MED12L: variants seen among roughly 807,000 people sequenced by gnomAD.
MED12L encodes mediator of RNA polymerase II transcription subunit 12-like protein.
Under a neutral mutation model 281.3 loss-of-function variants are expected in MED12L, and 60 were observed. The observed-to-expected ratio is 0.21, with a 90% CI of 0.17 to 0.26. The LOEUF (loss-of-function observed/expected upper bound fraction) is 0.26, where lower values mean the gene tolerates loss of function less well. MED12L is among the 10% of genes least tolerant of loss of function. The pLI is 1.00. For missense variants in MED12L, 2,146 were observed against 2,680.9 expected (o/e 0.80, Z 4.41); for synonymous variants, 974 against 987.2 (o/e 0.99, Z 0.25).
At chr3:151,219,058 A>G (rs1391528659) in intron 16 of MED12L, among the ~76,000 whole-genome samples, 3 of 152,138 alleles carry the variant, frequency 2.0e-5, no homozygotes, top group African/African-American at 4.8e-5. Context: ...ATTAAAGAAC[A>G]TGGCAGAATG....
chr3:151,302,036 T>A (rs1227247221), intron 16 of MED12L, among the ~76,000 whole-genome samples: 1 of 152,184 alleles, frequency 6.6e-6, no homozygotes, highest in Non-Finnish European at 1.5e-5. Context: ...TCAACTGTGG[T>A]ATAGGCAAAG....
intron 19 of MED12L, among the ~76,000 whole-genome samples, 173 bp downstream of exon 19, chr3:151,356,212 C>A (rs965306778): frequency 2.0e-5 from 3 of 151,986 alleles, no homozygotes; most frequent in Non-Finnish European, 2.9e-5. Flanking sequence ...CCAGCCTGGG[C>A]AACTTAGTGA....
chr3:151,222,054 C>T (rs545804343), intron 16 of MED12L, among the ~76,000 whole-genome samples: 2 of 152,318 alleles, frequency 1.3e-5, no homozygotes, highest in East Asian at 1.9e-4. Flanking sequence ...CAAAGGAGAT[C>T]GTTTGGGAAG....
intron 21 of MED12L, among the ~76,000 whole-genome samples, chr3:151,361,445 GAATT>G (rs1311537204): frequency 3.3e-5 from 5 of 151,848 alleles, no homozygotes; most frequent in Admixed American, 6.6e-5. Context: ...AAATAGAACT[GAATT>G]AATCATAAAA....
chr3:151,394,946 A>G, intron 39 of MED12L, 79 bp downstream of exon 39: 1 of 1,579,296 alleles, frequency 6.3e-7, no homozygotes, highest in Non-Finnish European at 8.6e-7. Context: ...GATATGTAGC[A>G]TATTCTTTCT....
intron 16 of MED12L, among the ~76,000 whole-genome samples, chr3:151,306,815 G>T (rs1290138728): frequency 6.6e-6 from 1 of 152,216 alleles, no homozygotes. Flanking sequence ...TTAAATGCTG[G>T]CTCCCTAAAT....
chr3:151,263,044 C>T (rs1317465), intron 16 of MED12L, among the ~76,000 whole-genome samples: 79,967 of 151,802 alleles, frequency 0.53, 21,584 homozygotes, highest in Middle Eastern at 0.67. Flanking sequence ...GAATGACTGT[C>T]GCGTGGGGTG....
intron 16 of MED12L, chr3:151,328,331 G>C (rs746195218): frequency 1.2e-6 from 2 of 1,613,212 alleles, no homozygotes; most frequent in Non-Finnish European, 1.7e-6. Context: ...CTTACTTTTG[G>C]ACTTTCTATA....
chr3:151,213,736 A>G, intron 16 of MED12L: 1 of 1,614,160 alleles, frequency 6.2e-7, no homozygotes, highest in Non-Finnish European at 8.5e-7. Context: ...AATCCAGAAG[A>G]TGGCCACGAA....
chr3:151,425,321 G>A (rs1057478368), intron 43 of MED12L: 4 of 172,688 alleles, frequency 2.3e-5, no homozygotes, highest in African/African-American at 9.5e-5. Context: ...CTGTGATTGA[G>A]CAGAAGAAGT....
chr3:151,165,455 A>G lies in MED12L; in HGVS notation c.1293A>G (p.Ile431Met), dbSNP rs1441181210. 6.2e-7 allele frequency: 1 copy of G among 1,614,102 alleles called. No homozygotes were observed. The highest frequency in any genetic ancestry group is 8.5e-7 in the Non-Finnish European group (1 of 1,179,930). Residue 431 changes from isoleucine (I) to methionine (M), a missense_variant, in exon 10 of 45, where the codon ATA becomes ATG. Coordinates refer to ENST00000687756, the MANE Select transcript of MED12L (RefSeq NM_001393769.1). ...RARIYEVEQQ[I>M]KQRGRAVEVR... ...GGATTTATGAAGTAGAACAACAGAT[A>G]AAACAAAGAGGCCGTGCAGTGGAAG...
chr3:151,245,824 C>A (rs1274023798), intron 16 of MED12L, among the ~76,000 whole-genome samples: 90 of 150,132 alleles, frequency 6.0e-4, no homozygotes, highest in Middle Eastern at 3.4e-3. Context: ...AAGAGGAAGT[C>A]AAATTGTCCC....
chr3:151,144,954 T>C (rs181864503), intron 5 of MED12L, among the ~76,000 whole-genome samples: 1 of 152,324 alleles, frequency 6.6e-6, no homozygotes, highest in Admixed American at 6.5e-5. Flanking sequence ...ACTTCCTCCT[T>C]TTTTGTAGCC....
At chr3:151,273,227 C>CTTTTTTTTTTTTTTTTT (rs63035061) in intron 16 of MED12L, among the ~76,000 whole-genome samples, 1 of 106,170 alleles carries the variant, frequency 9.4e-6, no homozygotes, top group Non-Finnish European at 1.9e-5. Context: ...TTGTTGTGTT[C>CTTTTTTTTTTTTTTTTT]TTTTTTTTTT....
chr3:151,326,672 G>A (rs1749635987), intron 16 of MED12L: 1 of 152,204 alleles, frequency 6.6e-6, no homozygotes, highest in Admixed American at 6.5e-5. Flanking sequence ...AGATGGATAA[G>A]TAGCTAGGAG....
intron 5 of MED12L, among the ~76,000 whole-genome samples, chr3:151,133,119 TTGA>T (rs1057489406): frequency 1.3e-5 from 2 of 152,252 alleles, no homozygotes; most frequent in Admixed American, 1.3e-4. Context: ...TTCCGTTGTC[TTGA>T]TGATTGTTAT....
chr3:151,178,107 G>T (rs991388577), intron 11 of MED12L, among the ~76,000 whole-genome samples: 2 of 138,452 alleles, frequency 1.4e-5, no homozygotes, highest in Admixed American at 7.8e-5. Flanking sequence ...GCAGTGAGCT[G>T]AGGTTGTGCC....
intron 2 of MED12L, among the ~76,000 whole-genome samples, chr3:151,089,988 T>C (rs1276573520): frequency 6.6e-6 from 1 of 152,182 alleles, no homozygotes; most frequent in Admixed American, 6.5e-5. Context: ...ACCAGTATGC[T>C]TGGTCTCCCT....
chr3:151,105,752 G>A (rs755684322), intron 2 of MED12L, among the ~76,000 whole-genome samples: 7 of 152,046 alleles, frequency 4.6e-5, no homozygotes, highest in African/African-American at 1.2e-4. Context: ...GACAACTCAC[G>A]ACTTTAAGAC....
Sources: allele counts gnomAD v4.1 joint callset (sites outside exome capture counted in the v4.1 genomes callset), GRCh38; gene constraint gnomAD v4.1.1; transcripts MANE v1.5; gene names NCBI Gene and HGNC (gene_info 2026-07-23, HGNC 2026-07-21).